PRDM9: variants seen among roughly 807,000 people sequenced by gnomAD.
PRDM9 encodes PR/SET domain 9.
A neutral mutation model predicts 55.6 loss-of-function variants in PRDM9; 47 were observed. The observed-to-expected ratio is 0.85, with a 90% CI of 0.67 to 1.08. PRDM9 has a LOEUF of 1.08. Among genes scored for constraint, PRDM9 ranks in the 50% least tolerant of loss-of-function variants. The pLI, the probability that PRDM9 is intolerant of heterozygous loss-of-function variation, is 0.00. For synonymous variants in PRDM9, 312 were observed against 375.7 expected (o/e 0.83, Z 1.96); for missense variants, 867 against 1,040.3 (o/e 0.83, Z 2.29).
At position 23,509,478 on chromosome 5, in the gene PRDM9, T is replaced by A; in HGVS notation, c.78T>A (p.Asp26Glu). The A allele has an allele frequency of 6.2e-7, 1 of 1,614,156 alleles. No individual in the cohort carries two copies. Among genetic ancestry groups the A allele is most frequent in the Non-Finnish European group, 8.5e-7 (1 of 1,180,016 alleles). ...TCTGTTACTTCCTCTAGGTCAAAGA[T>A]GCCTTCAAAGACATTTCCATATACT... ...ERTERKPMVK[D>E]AFKDISIYFT... Residue 26 changes from aspartate to glutamate, a missense_variant, in exon 3 of 11, where the codon GAT (aspartate) becomes GAA (glutamate). This residue lies in a region of PRDM9 where 662 missense variants were observed against 711.9 expected (regional missense o/e 0.93). Transcript: ENST00000296682.
chr5:23,522,274 A>G (rs374921310), intron 6 of PRDM9, 30 bp from the exon 7 acceptor site: 112 of 1,564,122 alleles, frequency 7.2e-5, no homozygotes, highest in Non-Finnish European at 9.3e-5. Flanking sequence ...CAGATTCCCA[A>G]TTTTACCCGT....
intron 4 of PRDM9, among the ~76,000 whole-genome samples, chr5:23,516,372 T>C (rs1295407603): frequency 2.0e-5 from 3 of 152,164 alleles, no homozygotes; most frequent in Non-Finnish European, 2.9e-5. Context: ...GGTGAATTCA[T>C]GTATTATTAT....
Position 23,509,003 on chromosome 5 carries a change from G to A in PRDM9, c.-31G>A. 6.2e-7 allele frequency: 1 copy of A among 1,612,434 alleles called. No homozygotes were observed. Among genetic ancestry groups the A allele is most frequent in the Non-Finnish European group, 8.5e-7 (1 of 1,178,764 alleles). On this transcript the variant is annotated 5_prime_UTR_variant, in exon 2 of 11. Coordinates refer to ENST00000296682, the MANE Select transcript of PRDM9 (RefSeq NM_020227.4). ...CAGGGCCCTTCTCACACTCAGAATT[G>A]GAGCAGGGCCTTCTAGACAGTCCCA...
chr5:23,523,504 C>T (rs1465496465), intron 9 of PRDM9, 146 bp downstream of exon 9: 2 of 769,956 alleles, frequency 2.6e-6, no homozygotes, highest in African/African-American at 1.8e-5. Context: ...ATACCATCAA[C>T]ATTTAGAAAT....
intron 7 of PRDM9, 101 bp downstream of exon 7, chr5:23,522,506 G>C (rs531321851): frequency 9.5e-6 from 15 of 1,585,736 alleles, no homozygotes; most frequent in Non-Finnish European, 9.5e-6. Context: ...TAATGAATTA[G>C]AGTACAGGAT....
chr5:23,508,476 A>G (rs1370320673), intron 1 of PRDM9, among the ~76,000 whole-genome samples: 1 of 152,196 alleles, frequency 6.6e-6, no homozygotes, highest in African/African-American at 2.4e-5. Context: ...AGAGATGCAG[A>G]CTGCTTTACT....
chr5:23,521,064 A>G lies in PRDM9; in HGVS notation c.393A>G (p.Lys131=), dbSNP rs1197009563. The stretch of plus-strand genomic sequence containing the variant: ...CATTCAGTAATGAATCTAGTTTGAA[A>G]GAATTGTCAAGAACAGCAAATTTAC... ...KASFSNESSL[K]ELSRTANLLN... The change falls in exon 6 of 11, where the codon AAA becomes AAG. Residue 131 remains lysine, a synonymous_variant. Coordinates refer to ENST00000296682, the MANE Select transcript of PRDM9 (RefSeq NM_020227.4). 1.2e-6 allele frequency: 2 copies of G among 1,614,232 alleles called. No individual in the cohort carries two copies. The highest frequency in any genetic ancestry group is 1.7e-5 in the Admixed American group (1 of 60,030).
chr5:23,526,745 G>A lies in PRDM9; in HGVS notation c.1657G>A (p.Val553Ile). Residue 553 changes from valine to isoleucine, a missense_variant, in exon 11 of 11, where the codon GTC (valine) becomes ATC (isoleucine). Physicochemically the swap from Val to Ile is conservative, Grantham distance 29 (BLOSUM62 3). Around this residue, in one of 5 missense-constraint regions of PRDM9, gnomAD observed 662 missense variants for 711.9 expected, o/e 0.93. Transcript: ENST00000296682. ...QRTHTGEKLY[V>I]CRECGRGFSW... ...GACACATACAGGGGAGAAGCTCTAC[G>A]TCTGCAGGGAGTGTGGGCGGGGCTT... 1.3e-6 allele frequency: 2 copies of A among 1,598,818 alleles called. No individual in the cohort carries two copies. The highest frequency in any genetic ancestry group is 1.1e-5 in the South Asian group (1 of 89,430).
chr5:23,523,674 T>C (rs1739378266), intron 9 of PRDM9, among the ~76,000 whole-genome samples: 1 of 152,188 alleles, frequency 6.6e-6, no homozygotes, highest in Non-Finnish European at 1.5e-5. Context: ...TTAAGCACTT[T>C]GTATGTTCCA....
chr5:23,511,060 G>C (rs149888284), intron 4 of PRDM9, among the ~76,000 whole-genome samples: 2,038 of 151,872 alleles, frequency 0.013, 42 homozygotes, highest in African/African-American at 0.046. Flanking sequence ...GGAGGCTGAG[G>C]CTGGGGAATA....
At chr5:23,507,792 T>A (rs1161639607) in intron 1 of PRDM9, 80 bp downstream of exon 1, 1 of 152,058 alleles carries the variant, frequency 6.6e-6, no homozygotes, top group East Asian at 1.9e-4. Flanking sequence ...CCAAATCCTC[T>A]CAGCCTCAAG....
chr5:23,518,984 T>A (rs2126421274), intron 5 of PRDM9, among the ~76,000 whole-genome samples: 1 of 152,300 alleles, frequency 6.6e-6, no homozygotes, highest in East Asian at 1.9e-4. Context: ...GCTGAAAATA[T>A]CTTTGAGTTA....
intron 4 of PRDM9, among the ~76,000 whole-genome samples, chr5:23,512,020 A>G (rs1402367167): frequency 6.6e-6 from 1 of 151,540 alleles, no homozygotes; most frequent in African/African-American, 2.4e-5. Context: ...TTAATACATC[A>G]TAGAACAATG....
chr5:23,513,595 C>T (rs565763900), intron 4 of PRDM9, among the ~76,000 whole-genome samples: 3 of 152,058 alleles, frequency 2.0e-5, no homozygotes, highest in Non-Finnish European at 2.9e-5. Flanking sequence ...AAATTACCCA[C>T]TCTGGGCCAG....
At chr5:23,509,418 C>A (rs923801042) in intron 2 of PRDM9, 52 bp from the exon 3 acceptor site, 57 of 1,613,676 alleles carry the variant, frequency 3.5e-5, no homozygotes, top group South Asian at 2.6e-4. Flanking sequence ...AGGAAAAGGA[C>A]CAGCTTGATG....
Position 23,522,391 on chromosome 5 carries a change from A to G in PRDM9, c.596A>G (p.Asp199Gly). ...TACAAAGAGGTCAGCGAGCCGCAGG[A>G]TGATGATTACCTCTGTAAGTGACAC... ...HAYKEVSEPQ[D>G]DDYLYCEMCQ... is the part of the protein sequence containing the mutation. The change falls in exon 7 of 11, where the codon GAT (aspartate) becomes GGT (glycine). Residue 199 changes from aspartate to glycine, a missense_variant. Physicochemically the swap from Asp to Gly is moderately conservative, Grantham distance 94. Around this residue, in one of 5 missense-constraint regions of PRDM9, gnomAD observed 662 missense variants for 711.9 expected, o/e 0.93. Coordinates refer to ENST00000296682, the MANE Select transcript of PRDM9 (RefSeq NM_020227.4). 1.9e-6 allele frequency: 3 copies of G among 1,613,866 alleles called. No individual in the cohort carries two copies. The highest frequency in any genetic ancestry group is 2.2e-5 in the East Asian group (1 of 44,878).
At chr5:23,524,646 C>A (rs1158386812) in intron 10 of PRDM9, 119 bp downstream of exon 10, 4 of 1,400,476 alleles carry the variant, frequency 2.9e-6, no homozygotes, top group Admixed American at 2.0e-5. Context: ...GATTTCAAAT[C>A]AGTGGCTTCC....
At chr5:23,509,266 G>A (rs1301019003) in intron 2 of PRDM9, among the ~76,000 whole-genome samples, 164 bp downstream of exon 2, 10 of 152,166 alleles carry the variant, frequency 6.6e-5, no homozygotes, top group Admixed American at 2.0e-4. Context: ...TAGCATCAGC[G>A]ACTGCTCTGT....
chr5:23,520,360 T>C (rs1225976287), intron 5 of PRDM9, among the ~76,000 whole-genome samples: 1 of 134,100 alleles, frequency 7.5e-6, no homozygotes. Context: ...GCGAGACTCC[T>C]TCTCAAAAAA....
Sources: allele counts gnomAD v4.1 joint callset (sites outside exome capture counted in the v4.1 genomes callset), GRCh38; gene constraint gnomAD v4.1.1; regional missense constraint gnomAD v4.1.1; transcripts MANE v1.5; gene names NCBI Gene and HGNC (gene_info 2026-07-23, HGNC 2026-07-21).